The following ERC2 variants were observed in gnomAD, a reference collection of about 807,000 sequenced individuals.
ERC2 encodes ELKS/RAB6-interacting/CAST family member 2, also known as ERC protein 2.
In ERC2, 42 loss-of-function variants were observed where a neutral mutation model predicts 114.8. That is an observed-to-expected ratio of 0.37 (90% confidence interval 0.29 to 0.47). The LOEUF is 0.47. Among genes scored for constraint, ERC2 ranks in the 20% least tolerant of loss-of-function variants. The pLI is 0.99. For missense variants in ERC2, 939 were observed against 1,150.7 expected (o/e 0.82, Z 2.66); for synonymous variants, 454 against 425.5 (o/e 1.07, Z -0.82).
chr3:55,935,512 C>G (rs2149411725), intron 13 of ERC2, among the ~76,000 whole-genome samples: 1 of 152,328 alleles, frequency 6.6e-6, no homozygotes, highest in South Asian at 2.1e-4. Flanking sequence ...TGAACAAACT[C>G]TTGGCTAGTG....
intron 6 of ERC2, among the ~76,000 whole-genome samples, chr3:56,097,916 T>C (rs903966808): frequency 4.6e-5 from 7 of 152,146 alleles, no homozygotes; most frequent in Non-Finnish European, 7.4e-5. Context: ...AGAGAGTATT[T>C]TGCATCACAT....
intron 3 of ERC2, among the ~76,000 whole-genome samples, chr3:56,196,098 G>A (rs2048084564): frequency 6.6e-6 from 1 of 152,114 alleles, no homozygotes. Flanking sequence ...GTCTTCTGCA[G>A]ATAATCCACA....
chr3:55,569,906 G>T (rs973864141), intron 17 of ERC2, among the ~76,000 whole-genome samples: 27 of 141,698 alleles, frequency 1.9e-4, no homozygotes, highest in African/African-American at 7.1e-4. Flanking sequence ...TACTCAGGCT[G>T]GAGTGCAGTG....
intron 2 of ERC2, among the ~76,000 whole-genome samples, chr3:56,330,450 G>A (rs2057559467): frequency 6.6e-6 from 1 of 152,174 alleles, no homozygotes; most frequent in East Asian, 1.9e-4. Context: ...CTAAACATTG[G>A]TGGAGCTAGT....
Position 55,683,872 on chromosome 3 carries a change from C to A in ERC2, c.2848-13G>T. The A allele has an allele frequency of 6.2e-7, 1 of 1,610,944 alleles. No individual in the cohort carries two copies. Among genetic ancestry groups the A allele is most frequent in the East Asian group, 2.2e-5 (1 of 44,614 alleles). On this transcript the variant is annotated splice_polypyrimidine_tract_variant and intron_variant, in intron 16 of 17. Coordinates refer to ENST00000288221, the MANE Select transcript of ERC2 (RefSeq NM_015576.3). ...CCTCCTCGTCATCCTGCGGCCGGCC[C>A]GAGGTGGGGAGGTGCACAGAGAGGA...
intron 17 of ERC2, among the ~76,000 whole-genome samples, chr3:55,515,952 G>T (rs2052469169): frequency 6.6e-6 from 1 of 152,164 alleles, no homozygotes; most frequent in South Asian, 2.1e-4. Flanking sequence ...TTTAATAACA[G>T]TAGTAAAACG....
intron 3 of ERC2, among the ~76,000 whole-genome samples, chr3:56,186,114 T>TA (rs201544979): frequency 0.13 from 12,798 of 100,914 alleles, 2,026 homozygotes; most frequent in Non-Finnish European, 0.19. Flanking sequence ...TCAAGAACCT[T>TA]AAAAAAAAAA....
At chr3:56,399,553 T>G (rs1358534697) in intron 2 of ERC2, among the ~76,000 whole-genome samples, 1 of 152,114 alleles carries the variant, frequency 6.6e-6, no homozygotes, top group African/African-American at 2.4e-5. Context: ...CCTTCCCATA[T>G]CCCTTCTTCA....
At chr3:55,964,108 G>T (rs1431151438) in intron 12 of ERC2, among the ~76,000 whole-genome samples, 1 of 152,186 alleles carries the variant, frequency 6.6e-6, no homozygotes, top group Non-Finnish European at 1.5e-5. Flanking sequence ...AGTAATAAAA[G>T]CATCTTCCAT....
At chr3:55,709,288 C>A (rs1209464667) in intron 15 of ERC2, among the ~76,000 whole-genome samples, 3 of 152,120 alleles carry the variant, frequency 2.0e-5, no homozygotes, top group Non-Finnish European at 4.4e-5. Context: ...GAGGGGTTCA[C>A]ATACCCTTGG....
intron 15 of ERC2, among the ~76,000 whole-genome samples, chr3:55,725,309 C>T (rs1297410256): frequency 2.0e-5 from 3 of 152,126 alleles, no homozygotes; most frequent in Non-Finnish European, 4.4e-5. Context: ...TGAGTTTCTC[C>T]ACTCCTCCTA....
At chr3:56,409,940 C>A (rs140198398) in intron 2 of ERC2, among the ~76,000 whole-genome samples, 1 of 152,208 alleles carries the variant, frequency 6.6e-6, no homozygotes, top group Non-Finnish European at 1.5e-5. Flanking sequence ...CCCATTTTTA[C>A]AGCTGAAGAA....
intron 2 of ERC2, among the ~76,000 whole-genome samples, chr3:56,409,835 A>G (rs758620135): frequency 6.6e-6 from 1 of 152,192 alleles, no homozygotes; most frequent in African/African-American, 2.4e-5. Context: ...TAATAATGGC[A>G]TCTGTTGAAC....
chr3:55,918,290 G>A (rs1017117245), intron 13 of ERC2, among the ~76,000 whole-genome samples: 1 of 151,960 alleles, frequency 6.6e-6, no homozygotes, highest in Non-Finnish European at 1.5e-5. Flanking sequence ...TACTCCCTCA[G>A]GGTTTACTGT....
At chr3:55,697,340 G>A (rs918202299) in intron 16 of ERC2, among the ~76,000 whole-genome samples, 2 of 152,196 alleles carry the variant, frequency 1.3e-5, no homozygotes, top group South Asian at 2.1e-4. Flanking sequence ...GGATGTGAAA[G>A]TGAAAGACCA....
chr3:55,650,657 C>A (rs1387013299), intron 17 of ERC2, among the ~76,000 whole-genome samples: 1 of 152,124 alleles, frequency 6.6e-6, no homozygotes, highest in Admixed American at 6.5e-5. Flanking sequence ...GGCACAAAGA[C>A]TGGCAAAAAG....
chr3:56,370,737 G>T lies in ERC2; in HGVS notation c.657+63614C>A, dbSNP rs1236171147. Among the ~76,000 whole-genome samples the T allele has an allele frequency of 2.0e-5, 3 of 151,898 alleles. No homozygotes were observed. In the East Asian group the frequency reaches 5.8e-4, roughly 29 times the overall value. ...AGCCTCCTGAGTAGCTGGGATTACA[G>T]GCATGCACCACCACACCCAGCTAAT... On this transcript the variant is annotated intron_variant, in intron 2 of 17. Coordinates refer to ENST00000288221, the MANE Select transcript of ERC2 (RefSeq NM_015576.3).
At chr3:55,644,083 C>T (rs758840465) in intron 17 of ERC2, among the ~76,000 whole-genome samples, 23 of 152,020 alleles carry the variant, frequency 1.5e-4, no homozygotes, top group Non-Finnish European at 2.8e-4. Flanking sequence ...TGGCTCTATC[C>T]GCAGGCCCAG....
intron 17 of ERC2, among the ~76,000 whole-genome samples, chr3:55,625,178 G>A (rs939833514): frequency 2.0e-5 from 3 of 151,566 alleles, no homozygotes; most frequent in Non-Finnish European, 1.5e-5. Flanking sequence ...GATCAGCCTG[G>A]CAACATGGTG....
Sources: allele counts gnomAD v4.1 joint callset (sites outside exome capture counted in the v4.1 genomes callset), GRCh38; gene constraint gnomAD v4.1.1; transcripts MANE v1.5; gene names NCBI Gene and HGNC (gene_info 2026-07-23, HGNC 2026-07-21).